Variants in ABCD2 observed in about 807,000 individuals in gnomAD.
ABCD2 encodes ATP-binding cassette sub-family D member 2.
In ABCD2, 36 loss-of-function variants were observed where a neutral mutation model predicts 70.9. The ratio of observed to expected loss-of-function variants is 0.51; its 90% confidence interval spans 0.39 to 0.67. ABCD2 has a LOEUF of 0.67. ABCD2 is among the 30% of genes least tolerant of loss of function. ABCD2 has a pLI of 0.00. For missense variants in ABCD2, 729 were observed against 890.2 expected, an observed-to-expected ratio of 0.82 and a Z score of 2.30; for synonymous variants, 304 against 306.9, an observed-to-expected ratio of 0.99 and a Z score of 0.10.
At chr12:39,569,031 G>T (rs529275354) in intron 9 of ABCD2, among the ~76,000 whole-genome samples, 1 of 152,244 alleles carries the variant, frequency 6.6e-6, no homozygotes, top group East Asian at 1.9e-4. Context: ...GTGTAAGTCT[G>T]CCCCTACTTG....
the ABCD2 span, among the ~76,000 whole-genome samples, chr12:39,534,868 A>AAAGG: frequency 9.6e-5 from 14 of 145,472 alleles, no homozygotes; most frequent in East Asian, 1.7e-3. Context: ...GAAAGAAAGA[A>AAAGG]AAGGAAGGAA....
chr12:39,545,968 C>T (rs1941022009), downstream of ABCD2, among the ~76,000 whole-genome samples: 1 of 152,204 alleles, frequency 6.6e-6, no homozygotes, highest in Non-Finnish European at 1.5e-5. Context: ...GTAATATCTA[C>T]TTTCTATTGA....
In ABCD2 at chr12:39,603,923, G is replaced by A; in HGVS notation, c.1489C>T (p.Leu497=). 6.2e-7 allele frequency: 1 copy of A among 1,610,390 alleles called. No individual in the cohort carries two copies. The highest frequency in any genetic ancestry group is 8.5e-7 in the Non-Finnish European group (1 of 1,177,204). Reference sequence around the variant, plus strand: ...GAATATCATCTTACTTTGAAGTTTAGCCTGGAAGCCACCACTTCTCCTGCT... The same window carrying A: ...GAATATCATCTTACTTTGAAGTTTAACCTGGAAGCCACCACTTCTCCTGCT... ...TPAGEVVASR[L]NFKVEEGMHL... The change falls in exon 5 of 10, where the codon CTA becomes TTA. Residue 497 remains leucine (L), a synonymous_variant. Coordinates refer to ENST00000308666, the MANE Select transcript of ABCD2 (RefSeq NM_005164.4).
the ABCD2 span, among the ~76,000 whole-genome samples, chr12:39,539,018 T>C: frequency 6.6e-6 from 1 of 152,182 alleles, no homozygotes; most frequent in Non-Finnish European, 1.5e-5. Context: ...TAAAACAGCA[T>C]GTTGCTCCAC....
chr12:39,572,475 C>T (rs1211574874), intron 9 of ABCD2, among the ~76,000 whole-genome samples: 2 of 152,062 alleles, frequency 1.3e-5, no homozygotes, highest in Non-Finnish European at 2.9e-5. Flanking sequence ...TCATGCTGGA[C>T]TAGATCCAGA....
At chr12:39,581,834 A>T (rs1278833435) in intron 7 of ABCD2, among the ~76,000 whole-genome samples, 1 of 152,236 alleles carries the variant, frequency 6.6e-6, no homozygotes, top group African/African-American at 2.4e-5. Flanking sequence ...ACTCTGAGTC[A>T]TAATGTTGCC....
At chr12:39,554,653 G>T (rs76126034) in intron 9 of ABCD2, among the ~76,000 whole-genome samples, 10,827 of 152,212 alleles carry the variant, frequency 0.071, 746 homozygotes, top group East Asian at 0.31. Context: ...TAGAAGAAAT[G>T]TTTTAAAGAT....
chr12:39,541,664 A>G, the ABCD2 span, among the ~76,000 whole-genome samples: 1 of 152,250 alleles, frequency 6.6e-6, no homozygotes, highest in Non-Finnish European at 1.5e-5. Flanking sequence ...GCTCAAGAGA[A>G]ATGTGTGCAC....
At chr12:39,596,013 T>C (rs549914494) in intron 6 of ABCD2, among the ~76,000 whole-genome samples, 9 of 152,336 alleles carry the variant, frequency 5.9e-5, no homozygotes, top group Middle Eastern at 3.4e-3. Flanking sequence ...TCATTTCCAG[T>C]ATGTACTGAT....
At chr12:39,567,449 G>T (rs1941370433) in intron 9 of ABCD2, among the ~76,000 whole-genome samples, 1 of 152,058 alleles carries the variant, frequency 6.6e-6, no homozygotes, top group Non-Finnish European at 1.5e-5. Flanking sequence ...GACTAGGATT[G>T]CAACCCCTGC....
intron 6 of ABCD2, among the ~76,000 whole-genome samples, chr12:39,591,078 G>C (rs1941739486): frequency 6.6e-6 from 1 of 152,154 alleles, no homozygotes; most frequent in Admixed American, 6.5e-5. Context: ...GGCATGAGAT[G>C]TGTTAAGTTT....
At chr12:39,598,509 T>A (rs1941851304) in intron 6 of ABCD2, among the ~76,000 whole-genome samples, 2 of 152,180 alleles carry the variant, frequency 1.3e-5, no homozygotes, top group African/African-American at 4.8e-5. Context: ...CAAGAAATTC[T>A]CCTTCCTCAG....
intron 2 of ABCD2, among the ~76,000 whole-genome samples, chr12:39,616,552 G>A (rs997575669): frequency 2.0e-5 from 3 of 151,980 alleles, no homozygotes; most frequent in South Asian, 2.1e-4. Flanking sequence ...TTTTCAAATC[G>A]CAAAGCAGGG....
chr12:39,559,261 A>T (rs149989145), intron 9 of ABCD2, among the ~76,000 whole-genome samples: 7 of 150,660 alleles, frequency 4.6e-5, no homozygotes, highest in Non-Finnish European at 5.9e-5. Context: ...ACTCTCAGCT[A>T]TTTGGGATGC....
At chr12:39,538,810 C>G in the ABCD2 span, among the ~76,000 whole-genome samples, 592 of 152,222 alleles carry the variant, frequency 3.9e-3, 3 homozygotes, top group African/African-American at 0.014. Flanking sequence ...CTACCCTGGC[C>G]GGAAGACAGC....
At chr12:39,538,765 T>C in the ABCD2 span, among the ~76,000 whole-genome samples, 5 of 152,130 alleles carry the variant, frequency 3.3e-5, no homozygotes, top group African/African-American at 9.7e-5. Flanking sequence ...GTCAGCAAGA[T>C]AGCAGAAGCG....
chr12:39,573,813 T>C lies in ABCD2; in HGVS notation c.1906A>G (p.Thr636Ala), dbSNP rs1165173028. 6.2e-7 allele frequency: 1 copy of C among 1,612,656 alleles called. No individual in the cohort carries two copies. The highest frequency in any genetic ancestry group is 2.2e-5 in the East Asian group (1 of 44,816). The change falls in exon 9 of 10, where the codon ACC becomes GCC. Residue 636 changes from threonine (T) to alanine (A), a missense_variant. Physicochemically the swap from Thr to Ala is moderately conservative, Grantham distance 58. Around this residue, in one of 3 missense-constraint regions of ABCD2, gnomAD observed 289 missense variants for 328.8 expected, o/e 0.88. Transcript: ENST00000308666. Reference sequence around the variant, plus strand: ...TCGACATCAATGCTGACAGCACTGGTACATTCATCCAGCAAGGCATATTTT... The same window carrying C: ...TCGACATCAATGCTGACAGCACTGGCACATTCATCCAGCAAGGCATATTTT... ...KPKYALLDECTSAVSIDVEGK... is the reference protein window; with the variant it reads ...KPKYALLDECASAVSIDVEGK...
rs754516645 is a variant in ABCD2, at chr12:39,618,998, A to C, written c.618T>G (p.Pro206=). ...VINMDGRLAN[P]DQSLTEDIMM... ...TAATATCCTCCGTAAGAGATTGGTCAGGGTTTGCCAGCCTCCCATCCATAT... is the reference window on the plus strand; with the variant it reads ...TAATATCCTCCGTAAGAGATTGGTCCGGGTTTGCCAGCCTCCCATCCATAT... Residue 206 remains proline, a synonymous_variant, in exon 1 of 10, where the codon CCT becomes CCG. Coordinates refer to ENST00000308666, the MANE Select transcript of ABCD2 (RefSeq NM_005164.4). 2.4e-5 allele frequency: 39 copies of C among 1,614,142 alleles called. No individual in the cohort carries two copies. The highest frequency in any genetic ancestry group is 3.3e-5 in the Non-Finnish European group (39 of 1,180,056).
In ABCD2 at chr12:39,618,755, A is replaced by C. The variant is rs781012632; in HGVS notation, c.861T>G (p.His287Gln). Residue 287 changes from histidine to glutamine, a missense_variant, in exon 1 of 10, where the codon CAT (histidine) becomes CAG (glutamine). This residue lies in a region of ABCD2 where 195 missense variants were observed against 300.2 expected (regional missense o/e 0.65). Transcript: ENST00000308666. ...GCACATACCGCAAATAGCCTTTTCT[A>C]TGTGCTTCCTCTGCCACCAGTTTGC... ...KFGKLVAEEA[H>Q]RKGYLRYVHS... The C allele has an allele frequency of 6.2e-7, 1 of 1,614,108 alleles. No individual in the cohort carries two copies. The highest frequency in any genetic ancestry group is 1.3e-5 in the African/African-American group (1 of 74,930).
Sources: allele counts gnomAD v4.1 joint callset (sites outside exome capture counted in the v4.1 genomes callset), GRCh38; gene constraint gnomAD v4.1.1; regional missense constraint gnomAD v4.1.1; transcripts MANE v1.5; gene names NCBI Gene and HGNC (gene_info 2026-07-23, HGNC 2026-07-21).